The following TSGA13 variants were observed in gnomAD, a reference collection of about 807,000 sequenced individuals.
TSGA13 encodes testis specific 13.
A neutral mutation model predicts 35.1 loss-of-function variants in TSGA13; 37 were observed. The observed-to-expected ratio is 1.05, with a 90% CI of 0.81 to 1.39. The LOEUF is 1.39. Ranked by LOEUF, TSGA13 falls within the 40% of genes most tolerant of loss-of-function variation. The pLI, the probability that TSGA13 is intolerant of heterozygous loss-of-function variation, is 0.00. For synonymous variants in TSGA13, 124 were observed against 121.2 expected (o/e 1.02, Z -0.15); for missense variants, 338 against 328.5 (o/e 1.03, Z -0.22).
intron 1 of TSGA13, 104 bp from the exon 2 acceptor site, chr7:130,685,464 G>T: frequency 1.8e-6 from 2 of 1,102,222 alleles, no homozygotes; most frequent in Non-Finnish European, 2.3e-6. Context: ...TTTCACAAAC[G>T]GGGGAGGTGG....
At chr7:130,672,663 G>A (rs1796305794) in intron 6 of TSGA13, 71 bp downstream of exon 6, 4 of 1,562,556 alleles carry the variant, frequency 2.6e-6, no homozygotes, top group South Asian at 2.4e-5. Flanking sequence ...AAATTGTATG[G>A]CAAAGAACCA....
chr7:130,685,688 G>A (rs1453887834), intron 1 of TSGA13, among the ~76,000 whole-genome samples: 1 of 152,284 alleles, frequency 6.6e-6, no homozygotes, highest in East Asian at 1.9e-4. Flanking sequence ...TCCGTAGAAG[G>A]CTAAAGGTGG....
intron 4 of TSGA13, among the ~76,000 whole-genome samples, chr7:130,680,275 G>A (rs1476714169): frequency 1.3e-5 from 2 of 152,190 alleles, no homozygotes; most frequent in East Asian, 1.9e-4. Context: ...GGGAGGCCAA[G>A]GCAGGTGGAT....
rs1796308545 is a variant in TSGA13, at chr7:130,672,741, A to G, written c.523T>C (p.Trp175Arg). ...GAAGAAGCAAGATTTCACCTAAACC[A>G]TTGTTCTCGCTTGGATGTGGGATCA... ...SDDPTSKREQWFRFSTDNDFK... is the reference protein window; with the variant it reads ...SDDPTSKREQRFRFSTDNDFK... The change falls in exon 6 of 8, where the codon TGG becomes CGG. Residue 175 changes from tryptophan to arginine, a missense_variant. Coordinates refer to ENST00000356588, the MANE Select transcript of TSGA13 (RefSeq NM_052933.4). 2.5e-6 allele frequency: 4 copies of G among 1,613,130 alleles called. No homozygotes were observed. Among genetic ancestry groups the G allele is most frequent in the South Asian group, 1.1e-5 (1 of 90,874 alleles).
chr7:130,669,668 A>C (rs542023264), intron 7 of TSGA13, among the ~76,000 whole-genome samples: 61 of 152,380 alleles, frequency 4.0e-4, no homozygotes, highest in African/African-American at 1.4e-3. Context: ...ATTCTAACCT[A>C]GATTACATTC....
intron 4 of TSGA13, 113 bp from the exon 5 acceptor site, chr7:130,679,480 C>G: frequency 1.1e-6 from 1 of 919,656 alleles, no homozygotes; most frequent in South Asian, 1.8e-5. Context: ...GCTGGACAGA[C>G]TTGCTGCAAA....
chr7:130,685,748 A>G (rs1796644324), intron 1 of TSGA13, among the ~76,000 whole-genome samples: 1 of 152,226 alleles, frequency 6.6e-6, no homozygotes, highest in Non-Finnish European at 1.5e-5. Context: ...AGCCATGCTC[A>G]TTCATAGATT....
intron 7 of TSGA13, 100 bp from the exon 8 acceptor site, chr7:130,669,283 A>AG: frequency 6.8e-7 from 1 of 1,463,572 alleles, no homozygotes; most frequent in East Asian, 2.3e-5. Flanking sequence ...GAGGGACCAG[A>AG]GGCTGGTCTT....
chr7:130,671,185 A>T (rs1425909525), intron 7 of TSGA13, among the ~76,000 whole-genome samples: 1 of 152,040 alleles, frequency 6.6e-6, no homozygotes, highest in Non-Finnish European at 1.5e-5. Context: ...TTTTTCTTCA[A>T]AGTATAATAT....
intron 1 of TSGA13, among the ~76,000 whole-genome samples, chr7:130,685,925 G>A (rs1353403665): frequency 1.3e-5 from 2 of 152,222 alleles, no homozygotes; most frequent in Non-Finnish European, 2.9e-5. Context: ...AAAGGTTGTG[G>A]AGCTTGAGCA....
At chr7:130,685,396 T>C in intron 1 of TSGA13, 36 bp from the exon 2 acceptor site, 1 of 1,358,870 alleles carries the variant, frequency 7.4e-7, no homozygotes, top group Non-Finnish European at 9.6e-7. Context: ...ATAGGTGCTA[T>C]TGTAGATGTA....
At position 130,679,076 on chromosome 7, in the gene TSGA13, GT is replaced by G. The variant is rs1351737160; in HGVS notation, c.387+78del. The G allele has an allele frequency of 2.5e-6, 3 of 1,179,716 alleles. No individual in the cohort carries two copies. The African/African-American group carries it at 4.6e-5, about 18-fold the overall frequency. 73.1% of individuals were successfully genotyped at this position (1,179,716 alleles called of 1,614,324 possible). On this transcript the variant is annotated intron_variant, in intron 5 of 7. Transcript: ENST00000356588. ...AGGTTTTCTGAGTACTATTCTCCAT[GT>G]TAAGTTAACTTCCTTCTCAATGCTA...
intron 5 of TSGA13, among the ~76,000 whole-genome samples, chr7:130,673,521 A>G (rs1216579756): frequency 2.0e-5 from 3 of 152,082 alleles, no homozygotes; most frequent in Non-Finnish European, 1.5e-5. Context: ...CTTTTACCCT[A>G]TAGTCCAGAA....
chr7:130,678,274 G>A (rs1055006737), intron 5 of TSGA13, among the ~76,000 whole-genome samples: 1 of 152,070 alleles, frequency 6.6e-6, no homozygotes, highest in Non-Finnish European at 1.5e-5. Flanking sequence ...AGCTGCTCGG[G>A]AGGCTGAGGC....
Position 130,685,253 on chromosome 7 carries a change from C to A in TSGA13, c.-43G>T. On this transcript the variant is annotated 5_prime_UTR_variant, in exon 2 of 8. Coordinates refer to ENST00000356588, the MANE Select transcript of TSGA13 (RefSeq NM_052933.4). ...TGGCCAACCCAAGGCAGGTATTCAC[C>A]CAAGGCCAAATTCAGGTCTCTAAAT... 1 of 1,611,078 alleles carries A rather than the reference C, an allele frequency of 6.2e-7. No individual in the cohort carries two copies. Among genetic ancestry groups the A allele is most frequent in the Non-Finnish European group, 8.5e-7 (1 of 1,177,474 alleles).
intron 6 of TSGA13, 44 bp from the exon 7 acceptor site, chr7:130,671,832 G>T: frequency 7.1e-7 from 1 of 1,407,554 alleles, no homozygotes; most frequent in Non-Finnish European, 9.4e-7. Context: ...TAGGGCAGGG[G>T]GATTCATGGA....
chr7:130,686,693 TA>T (rs1796665381), upstream of TSGA13: 2 of 135,210 alleles, frequency 1.5e-5, no homozygotes, highest in Non-Finnish European at 3.1e-5. Context: ...ATGACTTCTC[TA>T]CACACACACA....
Position 130,671,670 on chromosome 7 carries a change from T to C in TSGA13, c.649A>G (p.Arg217Gly), listed in dbSNP as rs1796268741. The change falls in exon 7 of 8, where the codon AGG (arginine) becomes GGG (glycine). Residue 217 changes from arginine to glycine, a missense_variant. Arg to Gly is a moderately radical substitution (Grantham distance 125). Coordinates refer to ENST00000356588, the MANE Select transcript of TSGA13 (RefSeq NM_052933.4). ...TFAPVHERDM[R>G]KDASKKSASE... is the part of the protein sequence containing the mutation. ...AAAGAGAGGAGCTTACCATCTTTCC[T>C]CATATCTCTCTCATGGACTGGAGCA... 4 of 1,580,168 alleles carry C rather than the reference T, an allele frequency of 2.5e-6. No homozygotes were observed. The highest frequency in any genetic ancestry group is 2.6e-6 in the Non-Finnish European group (3 of 1,159,098).
At chr7:130,681,125 C>G in intron 3 of TSGA13, 108 bp from the exon 4 acceptor site, 2 of 899,132 alleles carry the variant, frequency 2.2e-6, no homozygotes, top group African/African-American at 3.3e-5. Flanking sequence ...CTAACTTACA[C>G]TAAGTAAGTT....
Sources: gnomAD v4.1 joint callset for allele counts (sites outside exome capture counted in the v4.1 genomes callset) on GRCh38, gnomAD v4.1.1 for gene constraint, MANE v1.5 for transcripts, NCBI Gene and HGNC (gene_info 2026-07-23, HGNC 2026-07-21) for gene names.